The following STARD13 variants were observed in gnomAD, a reference collection of about 807,000 sequenced individuals.
STARD13 encodes stAR-related lipid transfer protein 13.
STARD13 carries 62 observed loss-of-function variants against 106.4 expected under a neutral mutation model. That is an observed-to-expected ratio of 0.58 (90% CI 0.48 to 0.72). STARD13 has a LOEUF of 0.72. Among genes scored for constraint, STARD13 ranks in the 30% least tolerant of loss-of-function variants. The probability of loss-of-function intolerance (pLI) is 0.00; values close to 1 mark genes in which losing one functional copy is unlikely to be tolerated. For synonymous variants in STARD13, 565 were observed against 553.0 expected, an observed-to-expected ratio of 1.02 and a Z score of -0.31; for missense variants, 1,387 against 1,424.0, an observed-to-expected ratio of 0.97 and a Z score of 0.42.
chr13:33,247,655 C>G (rs190890192), intron 1 of STARD13, among the ~76,000 whole-genome samples: 1 of 152,050 alleles, frequency 6.6e-6, no homozygotes, highest in Non-Finnish European at 1.5e-5. Flanking sequence ...TATTGTATTA[C>G]AAATTTTCAA....
rs560387160 is a variant in STARD13, at chr13:33,235,299, T to A, written c.169+50171A>T. On this transcript the variant is annotated intron_variant, in intron 1 of 13. Transcript: ENST00000336934. The stretch of plus-strand genomic sequence containing the variant: ...CAACATTCCTTTCCATGAGGCCATA[T>A]CTAGCTGGATTTTTGGCAGATGCTG... 7.2e-5 allele frequency among the ~76,000 whole-genome samples: 11 copies of A among 152,302 alleles called. No individual in the cohort carries two copies. The South Asian group carries it at 2.3e-3, about 32-fold the overall frequency.
chr13:33,421,499 C>T, the STARD13 span, among the ~76,000 whole-genome samples: 1 of 152,144 alleles, frequency 6.6e-6, no homozygotes, highest in Non-Finnish European at 1.5e-5. Flanking sequence ...GGATTCACAG[C>T]CGAACTCTAC....
At chr13:33,246,883 T>C (rs1889847029) in intron 1 of STARD13, among the ~76,000 whole-genome samples, 1 of 151,766 alleles carries the variant, frequency 6.6e-6, no homozygotes, top group Non-Finnish European at 1.5e-5. Flanking sequence ...ATGGAGAGAG[T>C]TATAGATTGG....
the STARD13 span, among the ~76,000 whole-genome samples, chr13:33,491,176 C>G: frequency 3.9e-5 from 6 of 152,182 alleles, no homozygotes; most frequent in Non-Finnish European, 7.3e-5. Context: ...GAAAGGATAA[C>G]AGACCTTGGA....
the STARD13 span, among the ~76,000 whole-genome samples, chr13:33,559,133 T>A: frequency 6.6e-6 from 1 of 151,730 alleles, no homozygotes; most frequent in South Asian, 2.1e-4. Context: ...TTTCTTCCTT[T>A]GCCCTGTCTC....
At chr13:33,328,835 G>A (rs17078984) in intron 1 of STARD13, among the ~76,000 whole-genome samples, 13,242 of 152,244 alleles carry the variant, frequency 0.087, 1,070 homozygotes, top group African/African-American at 0.21. Context: ...ATATGCAGAT[G>A]ATTTGTTATG....
chr13:33,131,711 A>G (rs987145734), intron 4 of STARD13, among the ~76,000 whole-genome samples: 3 of 152,184 alleles, frequency 2.0e-5, no homozygotes, highest in Admixed American at 1.3e-4. Context: ...ATTGAATTAA[A>G]TTTATTTTAC....
the STARD13 span, among the ~76,000 whole-genome samples, chr13:33,509,346 G>T: frequency 1.3e-5 from 2 of 152,156 alleles, no homozygotes; most frequent in African/African-American, 4.8e-5. Flanking sequence ...TGGCCTTTAG[G>T]ATGTGTAAAT....
chr13:33,669,822 C>T, the STARD13 span, among the ~76,000 whole-genome samples: 32 of 152,242 alleles, frequency 2.1e-4, no homozygotes, highest in African/African-American at 7.7e-4. Context: ...GCGTGAGCCA[C>T]CACACCCGGC....
chr13:33,319,330 G>A (rs1480155382), intron 1 of STARD13, among the ~76,000 whole-genome samples: 4 of 152,170 alleles, frequency 2.6e-5, no homozygotes, highest in African/African-American at 9.7e-5. Flanking sequence ...TATATGAAAT[G>A]TGCAGAAGAG....
At chr13:33,254,258 G>A (rs1052597442) in intron 1 of STARD13, among the ~76,000 whole-genome samples, 2 of 152,200 alleles carry the variant, frequency 1.3e-5, no homozygotes, top group Non-Finnish European at 2.9e-5. Flanking sequence ...CCTCAACAGA[G>A]TGGATATGCC....
chr13:33,557,340 G>C, the STARD13 span, among the ~76,000 whole-genome samples: 3 of 152,168 alleles, frequency 2.0e-5, no homozygotes, highest in South Asian at 6.2e-4. Flanking sequence ...TGATTTCCAA[G>C]AAAGTATTAT....
the STARD13 span, among the ~76,000 whole-genome samples, chr13:33,414,115 A>G: frequency 7.9e-5 from 12 of 152,252 alleles, no homozygotes; most frequent in East Asian, 2.3e-3. Context: ...GCATATTAAA[A>G]CCAAAATGAG....
chr13:33,221,898 C>T (rs576335135), intron 1 of STARD13, among the ~76,000 whole-genome samples: 36 of 152,292 alleles, frequency 2.4e-4, no homozygotes, highest in Admixed American at 6.5e-4. Flanking sequence ...CACCTGTAAT[C>T]CCAGCACTTT....
At chr13:33,589,663 C>T in the STARD13 span, among the ~76,000 whole-genome samples, 4 of 152,162 alleles carry the variant, frequency 2.6e-5, no homozygotes, top group South Asian at 8.3e-4. Flanking sequence ...GGTCTGAGAG[C>T]CAGTTTGTTA....
chr13:33,602,601 G>A, the STARD13 span, among the ~76,000 whole-genome samples: 6 of 152,306 alleles, frequency 3.9e-5, no homozygotes, highest in East Asian at 1.2e-3. Flanking sequence ...AGGTGAAGCT[G>A]ACCCAATAGT....
intron 1 of STARD13, among the ~76,000 whole-genome samples, chr13:33,314,079 G>A (rs1481150149): frequency 6.6e-6 from 1 of 152,138 alleles, no homozygotes; most frequent in Non-Finnish European, 1.5e-5. Flanking sequence ...CCATCAGTGC[G>A]TGAATCCTTA....
At chr13:33,231,880 C>T (rs1463581573) in intron 1 of STARD13, among the ~76,000 whole-genome samples, 4 of 152,176 alleles carry the variant, frequency 2.6e-5, no homozygotes, top group African/African-American at 9.7e-5. Context: ...TGGTTCCAGG[C>T]TCCCCTCACC....
At chr13:33,203,991 C>T (rs1216505512) in intron 1 of STARD13, among the ~76,000 whole-genome samples, 1 of 152,138 alleles carries the variant, frequency 6.6e-6, no homozygotes, top group Non-Finnish European at 1.5e-5. Flanking sequence ...GAATTAGATT[C>T]ATCAAAAGGT....
Sources: gnomAD v4.1 joint callset for allele counts (sites outside exome capture counted in the v4.1 genomes callset) on GRCh38, gnomAD v4.1.1 for gene constraint, MANE v1.5 for transcripts, NCBI Gene and HGNC (gene_info 2026-07-23, HGNC 2026-07-21) for gene names.